The following CCDC85A variants were observed in gnomAD, a reference collection of about 807,000 sequenced individuals.
CCDC85A encodes the protein coiled-coil domain-containing protein 85A.
Under a neutral mutation model 50.2 loss-of-function variants are expected in CCDC85A, and 38 were observed. The ratio of observed to expected loss-of-function variants is 0.76; its 90% confidence interval spans 0.58 to 0.99. The LOEUF (loss-of-function observed/expected upper bound fraction) is 0.99, where lower values mean the gene tolerates loss of function less well. Among genes scored for constraint, CCDC85A ranks in the 50% least tolerant of loss-of-function variants. The probability of loss-of-function intolerance (pLI) is 0.00; values close to 1 mark genes in which losing one functional copy is unlikely to be tolerated. For synonymous variants in CCDC85A, 366 were observed against 301.4 expected (o/e 1.21, Z -2.22); for missense variants, 820 against 742.0 (o/e 1.11, Z -1.22).
At chr2:56,278,558 T>C (rs1293232170) in intron 2 of CCDC85A, among the ~76,000 whole-genome samples, 1 of 152,022 alleles carries the variant, frequency 6.6e-6, no homozygotes, top group Admixed American at 6.6e-5. Context: ...AGTAGCCTGG[T>C]CTATTTTTAT....
In CCDC85A at chr2:56,193,327, G is replaced by A; in HGVS notation, c.1127G>A (p.Gly376Glu). Residue 376 changes from glycine to glutamate, a missense_variant, in exon 2 of 6, where the codon GGA (glycine) becomes GAA (glutamate). Gly to Glu is a moderately conservative substitution (Grantham distance 98). Coordinates refer to ENST00000407595, the MANE Select transcript of CCDC85A (RefSeq NM_001080433.2). ...YGGSPDHKHG[G>E]GSGGSGGSGG... ...GGGAGCCCTGATCACAAACACGGAG[G>A]AGGCAGTGGAGGAAGTGGAGGCAGC... 2 of 1,613,080 alleles carry A rather than the reference G, an allele frequency of 1.2e-6. No individual in the cohort carries two copies. The highest frequency in any genetic ancestry group is 1.7e-6 in the Non-Finnish European group (2 of 1,179,450).
chr2:56,243,654 G>A (rs1669365265), intron 2 of CCDC85A, among the ~76,000 whole-genome samples: 1 of 152,116 alleles, frequency 6.6e-6, no homozygotes, highest in Non-Finnish European at 1.5e-5. Context: ...TATTTAGTTT[G>A]TTCAGTGAGG....
chr2:56,286,055 G>T (rs1181865610), intron 2 of CCDC85A, among the ~76,000 whole-genome samples: 2 of 151,630 alleles, frequency 1.3e-5, no homozygotes, highest in African/African-American at 4.8e-5. Context: ...TGTTGTTTGG[G>T]TCCATTATTT....
Position 56,305,007 on chromosome 2 carries a change from A to G in CCDC85A, c.1241-37872A>G, listed in dbSNP as rs546530906. On this transcript the variant is annotated intron_variant, in intron 2 of 5. Coordinates refer to ENST00000407595, the MANE Select transcript of CCDC85A (RefSeq NM_001080433.2). Reference sequence around the variant, plus strand: ...AGTCCCAGCTATTCAGGAGGCTGAGAGAAGAGAATCGCTTGAACCCAGGAG... The same window carrying G: ...AGTCCCAGCTATTCAGGAGGCTGAGGGAAGAGAATCGCTTGAACCCAGGAG... Among the ~76,000 whole-genome samples, 3 of 151,914 alleles carry G rather than the reference A, an allele frequency of 2.0e-5. No individual in the cohort carries two copies. In the South Asian group the frequency reaches 6.3e-4, roughly 32 times the overall value.
intron 2 of CCDC85A, among the ~76,000 whole-genome samples, chr2:56,304,905 C>CA (rs1672366344): frequency 7.2e-6 from 1 of 138,022 alleles, no homozygotes; most frequent in African/African-American, 2.9e-5. Flanking sequence ...CTAAAAAAAA[C>CA]AAAAAACAAA....
chr2:56,351,410 C>T (rs1156779319), intron 3 of CCDC85A, among the ~76,000 whole-genome samples: 1 of 146,660 alleles, frequency 6.8e-6, no homozygotes, highest in Non-Finnish European at 1.5e-5. Context: ...AGTTCTAGAT[C>T]CCTGAGGAAT....
rs188581480 is a variant in CCDC85A at position 56,199,087 on chromosome 2, A to C, written c.1240+5647A>C. On this transcript the variant is annotated intron_variant, in intron 2 of 5. Coordinates refer to ENST00000407595, the MANE Select transcript of CCDC85A (RefSeq NM_001080433.2). Reference sequence around the variant, plus strand: ...AGAAAAAAAATGTGACCATTGAATTAGTGATGCATGTATCATTTCATTTTA... The same window carrying C: ...AGAAAAAAAATGTGACCATTGAATTCGTGATGCATGTATCATTTCATTTTA... Among the ~76,000 whole-genome samples, 238 of 152,358 alleles carry C rather than the reference A, an allele frequency of 1.6e-3. 1 individual carries two copies. The highest frequency in any genetic ancestry group is 9.5e-3 in the South Asian group (46 of 4,828).
At chr2:56,206,498 A>G (rs1360573528) in intron 2 of CCDC85A, among the ~76,000 whole-genome samples, 2 of 152,110 alleles carry the variant, frequency 1.3e-5, no homozygotes, top group Non-Finnish European at 2.9e-5. Flanking sequence ...GTGCTGCATC[A>G]TCCCATGGTG....
chr2:56,271,553 T>C (rs916125462), intron 2 of CCDC85A, among the ~76,000 whole-genome samples: 2 of 152,146 alleles, frequency 1.3e-5, no homozygotes, highest in Non-Finnish European at 1.5e-5. Flanking sequence ...ACAGAGATGC[T>C]GGGGTTGCCT....
At chr2:56,231,009 A>G (rs1177956852) in intron 2 of CCDC85A, among the ~76,000 whole-genome samples, 2 of 152,178 alleles carry the variant, frequency 1.3e-5, no homozygotes, top group South Asian at 2.1e-4. Context: ...ACATCTTAGT[A>G]TTGCTTAGTC....
intron 2 of CCDC85A, among the ~76,000 whole-genome samples, chr2:56,240,916 T>A (rs572826218): frequency 6.0e-4 from 92 of 152,314 alleles, no homozygotes; most frequent in Non-Finnish European, 1.1e-3. Flanking sequence ...CATCATGCAG[T>A]GACTCTATAT....
At chr2:56,362,023 A>T (rs900288009) in intron 3 of CCDC85A, among the ~76,000 whole-genome samples, 5 of 152,046 alleles carry the variant, frequency 3.3e-5, no homozygotes, top group African/African-American at 4.8e-5. Flanking sequence ...TTTCAAGTAG[A>T]GCTAAGGGTG....
Position 56,193,331 on chromosome 2 carries a change from CAGTGGAGGA to C in CCDC85A, c.1140_1148del (p.Ser384_Gly386del), listed in dbSNP as rs762184153. On this transcript the variant is annotated inframe_deletion, in exon 2 of 6. Coordinates refer to ENST00000407595, the MANE Select transcript of CCDC85A (RefSeq NM_001080433.2). ...GCCCTGATCACAAACACGGAGGAGG[CAGTGGAGGA>C]AGTGGAGGCAGCGGCGGAGGCAGCA... 1.2e-5 allele frequency: 19 copies of C among 1,612,644 alleles called. No homozygotes were observed. Among genetic ancestry groups the C allele is most frequent in the Non-Finnish European group, 1.4e-5 (16 of 1,179,310 alleles).
intron 3 of CCDC85A, among the ~76,000 whole-genome samples, chr2:56,352,611 G>A (rs1202693517): frequency 6.6e-6 from 1 of 152,200 alleles, no homozygotes; most frequent in African/African-American, 2.4e-5. Flanking sequence ...CTCCCAAAGT[G>A]CTGGGATTAC....
At chr2:56,352,551 G>T (rs934096211) in intron 3 of CCDC85A, among the ~76,000 whole-genome samples, 3 of 152,138 alleles carry the variant, frequency 2.0e-5, no homozygotes, top group Middle Eastern at 3.4e-3. Context: ...CCACCATGTT[G>T]GCCAGGGTGG....
intron 3 of CCDC85A, among the ~76,000 whole-genome samples, chr2:56,368,464 C>G (rs1056658229): frequency 2.0e-5 from 3 of 152,092 alleles, no homozygotes; most frequent in African/African-American, 4.8e-5. Flanking sequence ...TGAGATTAAG[C>G]AAAGTATCTG....
chr2:56,375,925 A>C lies in CCDC85A; in HGVS notation c.1562A>C (p.His521Pro), dbSNP rs758984453. Residue 521 changes from histidine (H) to proline (P), a missense_variant, in exon 5 of 6, where the codon CAT (histidine) becomes CCT (proline). His to Pro is a moderately conservative substitution (Grantham distance 77). Coordinates refer to ENST00000407595, the MANE Select transcript of CCDC85A (RefSeq NM_001080433.2). The stretch of plus-strand genomic sequence containing the variant: ...TCCCAGCAGCCTGAACCTGTGGTAC[A>C]TTCTCTTAAGGTAACCAATCGTGTG... Reference protein sequence around the residue: ...TPSQQPEPVVHSLKVVWRKLG... With the variant: ...TPSQQPEPVVPSLKVVWRKLG... 10 of 1,613,464 alleles carry C rather than the reference A, an allele frequency of 6.2e-6. No individual in the cohort carries two copies. In the East Asian group the frequency reaches 2.2e-4, roughly 36 times the overall value.
At chr2:56,325,232 T>A (rs960538334) in intron 2 of CCDC85A, among the ~76,000 whole-genome samples, 1 of 152,122 alleles carries the variant, frequency 6.6e-6, no homozygotes. Context: ...TTCCTTTTGG[T>A]CATTATATGT....
At chr2:56,227,677 G>T (rs1183885192) in intron 2 of CCDC85A, among the ~76,000 whole-genome samples, 1 of 151,392 alleles carries the variant, frequency 6.6e-6, no homozygotes, top group Admixed American at 6.6e-5. Context: ...AAGCCTTCCT[G>T]GAATTATTCA....
Sources: allele counts gnomAD v4.1 joint callset (sites outside exome capture counted in the v4.1 genomes callset), GRCh38; gene constraint gnomAD v4.1.1; transcripts MANE v1.5; gene names NCBI Gene and HGNC (gene_info 2026-07-23, HGNC 2026-07-21).